The following CFDP1 variants were observed in gnomAD, a reference collection of about 807,000 sequenced individuals.
The protein encoded by CFDP1 is heterochromatin-stabilizing protein CFDP1.
CFDP1 carries 31 observed loss-of-function variants against 40.1 expected under a neutral mutation model. The observed-to-expected ratio is 0.77, with a 90% CI of 0.58 to 1.04. CFDP1 has a LOEUF of 1.04. CFDP1 is among the 50% of genes least tolerant of loss of function. CFDP1 has a pLI of 0.00. For missense variants in CFDP1, 423 were observed against 343.4 expected (o/e 1.23, Z -1.83); for synonymous variants, 167 against 120.0 (o/e 1.39, Z -2.56).
At chr16:75,389,931 C>T (rs944885771) in intron 5 of CFDP1, among the ~76,000 whole-genome samples, 1 of 152,138 alleles carries the variant, frequency 6.6e-6, no homozygotes, top group Non-Finnish European at 1.5e-5. Flanking sequence ...GCATACCAAC[C>T]TTGAAAGTCA....
At chr16:75,335,322 G>A (rs1440357294) in intron 5 of CFDP1, among the ~76,000 whole-genome samples, 1 of 152,050 alleles carries the variant, frequency 6.6e-6, no homozygotes, top group East Asian at 1.9e-4. Flanking sequence ...CCTTTATTTG[G>A]CTTATGTTCG....
chr16:75,428,084 G>C (rs1418267933), intron 1 of CFDP1, among the ~76,000 whole-genome samples: 1 of 152,026 alleles, frequency 6.6e-6, no homozygotes, highest in Non-Finnish European at 1.5e-5. Context: ...GCTGGGGCCG[G>C]GGGTGAGGGA....
chr16:75,388,060 A>G (rs899432293), intron 5 of CFDP1, among the ~76,000 whole-genome samples: 2 of 152,234 alleles, frequency 1.3e-5, no homozygotes, highest in African/African-American at 4.8e-5. Context: ...TGGCAATGGC[A>G]AAGTGGCTGA....
At chr16:75,344,272 G>A (rs921019833) in intron 5 of CFDP1, among the ~76,000 whole-genome samples, 2 of 152,184 alleles carry the variant, frequency 1.3e-5, no homozygotes, top group African/African-American at 4.8e-5. Flanking sequence ...AGGAACCAGA[G>A]TGATGGCTAC....
chr16:75,395,274 G>C (rs2078986897), intron 4 of CFDP1, 65 bp from the exon 5 acceptor site: 11 of 1,546,636 alleles, frequency 7.1e-6, no homozygotes, highest in East Asian at 6.9e-5. Context: ...AGCTAGAAAA[G>C]GGAATAAAGA....
chr16:75,357,956 T>C (rs1001847576), intron 5 of CFDP1, among the ~76,000 whole-genome samples: 1 of 152,240 alleles, frequency 6.6e-6, no homozygotes, highest in African/African-American at 2.4e-5. Context: ...GATGTGACTC[T>C]TCCTTTTACT....
At chr16:75,386,019 G>T (rs1458813246) in intron 5 of CFDP1, among the ~76,000 whole-genome samples, 2 of 152,034 alleles carry the variant, frequency 1.3e-5, no homozygotes, top group Admixed American at 1.3e-4. Flanking sequence ...AAGGGTATAG[G>T]AATACGGCAA....
chr16:75,311,271 C>T (rs2078291224), intron 5 of CFDP1, among the ~76,000 whole-genome samples: 1 of 152,148 alleles, frequency 6.6e-6, no homozygotes, highest in Non-Finnish European at 1.5e-5. Context: ...GTCCAAGTAG[C>T]TGGGACTATA....
intron 4 of CFDP1, among the ~76,000 whole-genome samples, chr16:75,400,665 G>GA (rs1180824652): frequency 1.3e-5 from 2 of 152,304 alleles, no homozygotes; most frequent in Non-Finnish European, 2.9e-5. Context: ...TCCATTCTGA[G>GA]AAAAGAGGAA....
intron 1 of CFDP1, among the ~76,000 whole-genome samples, chr16:75,419,353 A>G (rs550434761): frequency 6.6e-5 from 10 of 152,312 alleles, no homozygotes; most frequent in African/African-American, 2.4e-4. Context: ...AAAGAATTAA[A>G]TATTTATATT....
intron 1 of CFDP1, among the ~76,000 whole-genome samples, chr16:75,419,757 C>T (rs2079255473): frequency 1.3e-5 from 2 of 152,120 alleles, no homozygotes; most frequent in South Asian, 4.1e-4. Context: ...TTACAAATGC[C>T]ATGGCAACAT....
intron 5 of CFDP1, among the ~76,000 whole-genome samples, chr16:75,336,559 A>C (rs574092030): frequency 6.6e-6 from 1 of 152,344 alleles, no homozygotes; most frequent in Admixed American, 6.5e-5. Context: ...TAACAACTTA[A>C]ATGGCTGTAT....
chr16:75,364,212 C>T (rs1235562735), intron 5 of CFDP1, among the ~76,000 whole-genome samples: 2 of 152,130 alleles, frequency 1.3e-5, no homozygotes, highest in African/African-American at 2.4e-5. Context: ...CTTTATTTAA[C>T]AATTCACTTT....
chr16:75,425,710 AAAAT>A (rs1395977925), intron 1 of CFDP1, among the ~76,000 whole-genome samples: 2 of 151,554 alleles, frequency 1.3e-5, no homozygotes, highest in Non-Finnish European at 2.9e-5. Context: ...AAATTAACTG[AAAAT>A]AAATAATGAT....
At chr16:75,304,694 G>A (rs17605814) in intron 6 of CFDP1, among the ~76,000 whole-genome samples, 10,066 of 152,258 alleles carry the variant, frequency 0.066, 359 homozygotes, top group Middle Eastern at 0.12. Context: ...ATTCAGATAA[G>A]GCCAAGGCTG....
intron 1 of CFDP1, chr16:75,419,054 G>A (rs1431423561): frequency 2.4e-6 from 1 of 418,640 alleles, no homozygotes; most frequent in East Asian, 7.4e-5. Flanking sequence ...GAGGCAGGAG[G>A]ATCACTTGAG....
At chr16:75,335,535 G>A (rs944643718) in intron 5 of CFDP1, among the ~76,000 whole-genome samples, 1 of 149,824 alleles carries the variant, frequency 6.7e-6, no homozygotes, top group African/African-American at 2.5e-5. Context: ...TTATCTATAA[G>A]CACTTTTGAC....
At chr16:75,315,304 C>T (rs1186734209) in intron 5 of CFDP1, among the ~76,000 whole-genome samples, 5 of 117,848 alleles carry the variant, frequency 4.2e-5, no homozygotes, top group Non-Finnish European at 3.2e-5. Context: ...TACACACCAG[C>T]CTGGGTGACA....
Position 75,293,833 on chromosome 16 carries a change from G to GAA in CFDP1, c.*117_*118dup. ...GATACATAGACAGAACTTCAATGTA[G>GAA]AAAAAAAAAAGACCTTGCTGGGAAA... On this transcript the variant is annotated 3_prime_UTR_variant, in exon 7 of 7. Transcript: ENST00000283882. The GAA allele has an allele frequency of 4.3e-5, 28 of 658,812 alleles. No homozygotes were observed. The highest frequency in any genetic ancestry group is 6.3e-5 in the South Asian group (3 of 47,274). 40.8% of individuals were successfully genotyped at this position (658,812 alleles called of 1,614,324 possible). A position where few individuals can be genotyped will look rare whatever the true frequency, so the allele number is the denominator to read the frequency against.
Sources: gnomAD v4.1 joint callset for allele counts (sites outside exome capture counted in the v4.1 genomes callset) on GRCh38, gnomAD v4.1.1 for gene constraint, MANE v1.5 for transcripts, NCBI Gene and HGNC (gene_info 2026-07-23, HGNC 2026-07-21) for gene names.